Variants in HMGCS2 observed in about 807,000 individuals in gnomAD.
HMGCS2 encodes hydroxymethylglutaryl-CoA synthase, mitochondrial.
Under a neutral mutation model 57.4 loss-of-function variants are expected in HMGCS2, and 50 were observed. The ratio of observed to expected loss-of-function variants is 0.87; its 90% CI spans 0.69 to 1.10. HMGCS2 has a LOEUF of 1.10. Among genes scored for constraint, HMGCS2 ranks in the 50% least tolerant of loss-of-function variants. HMGCS2 has a pLI of 0.00. For missense variants in HMGCS2, 627 were observed against 636.5 expected (o/e 0.99, Z 0.16); for synonymous variants, 254 against 245.1 (o/e 1.04, Z -0.34).
intron 2 of HMGCS2, among the ~76,000 whole-genome samples, chr1:119,761,758 C>T (rs925270983): frequency 6.6e-6 from 1 of 151,412 alleles, no homozygotes; most frequent in Non-Finnish European, 1.5e-5. Context: ...GATCGAGACT[C>T]TGTCTAAAAA....
intron 2 of HMGCS2, among the ~76,000 whole-genome samples, chr1:119,763,615 T>C (rs1286565950): frequency 1.3e-5 from 2 of 152,194 alleles, no homozygotes; most frequent in Admixed American, 6.5e-5. Context: ...TGGGAGAAGA[T>C]ATAAGTAAGA....
intron 2 of HMGCS2, among the ~76,000 whole-genome samples, chr1:119,761,390 T>C (rs1376803303): frequency 6.6e-6 from 1 of 151,960 alleles, no homozygotes; most frequent in Non-Finnish European, 1.5e-5. Flanking sequence ...AGAAACAAAG[T>C]CAAAAGACAA....
intron 5 of HMGCS2, among the ~76,000 whole-genome samples, 188 bp from the exon 6 acceptor site, chr1:119,755,785 C>T (rs1421982063): frequency 6.6e-6 from 1 of 152,002 alleles, no homozygotes; most frequent in African/African-American, 2.4e-5. Flanking sequence ...GTACTTAGGG[C>T]TTATTTTTCT....
At position 119,764,429 on chromosome 1, in the gene HMGCS2, T is replaced by C. The variant is rs751909473; in HGVS notation, c.302A>G (p.Asp101Gly). The change falls in exon 2 of 10, where the codon GAC becomes GGC. Residue 101 changes from aspartate to glycine, a missense_variant. Physicochemically the swap from Asp to Gly is moderately conservative, Grantham distance 94. Transcript: ENST00000369406. ...CACCGTCAGGCACAGGGAGTTGATG[T>C]CCTCTTGGACTGAGCAGAAGCCCAT... ...TRMGFCSVQE[D>G]INSLCLTVVQ... 2 of 1,614,222 alleles carry C rather than the reference T, an allele frequency of 1.2e-6. No individual in the cohort carries two copies. The highest frequency in any genetic ancestry group is 3.3e-5 in the Admixed American group (2 of 60,028).
At chr1:119,761,073 A>ATG (rs996722836) in intron 2 of HMGCS2, among the ~76,000 whole-genome samples, 3 of 149,678 alleles carry the variant, frequency 2.0e-5, no homozygotes, top group Non-Finnish European at 4.4e-5. Flanking sequence ...TGCTATGTGC[A>ATG]TGTGTGTGTG....
At chr1:119,768,438 A>G (rs1210459600) in intron 1 of HMGCS2, among the ~76,000 whole-genome samples, 1 of 152,200 alleles carries the variant, frequency 6.6e-6, no homozygotes, top group East Asian at 1.9e-4. Context: ...ATGGTGGTGT[A>G]GAGAGGAAAG....
chr1:119,759,141 T>G lies in HMGCS2; in HGVS notation c.827A>C (p.Lys276Thr). 1.2e-6 allele frequency: 2 copies of G among 1,614,212 alleles called. No individual in the cohort carries two copies. The highest frequency in any genetic ancestry group is 4.5e-5 in the East Asian group (2 of 44,890). The change falls in exon 4 of 10, where the codon AAA becomes ACA. Residue 276 changes from lysine to threonine, a missense_variant. By Grantham distance (78) the Lys-to-Thr change is moderately conservative (BLOSUM62 -1). Transcript: ENST00000369406. ...LDRCYTSYRK[K>T]IQNQWKQAGS... ...ACCTTGCTTCCACTGATTCTGGATT[T>G]TTTTACGGTATGATGTGTAACATCG... is the stretch of plus-strand genomic sequence containing the variant.
intron 1 of HMGCS2, 107 bp downstream of exon 1, chr1:119,768,634 T>C (rs1454703739): frequency 2.5e-6 from 2 of 799,784 alleles, no homozygotes; most frequent in African/African-American, 3.4e-5. Context: ...AAGGCTGCTG[T>C]GCACAAGCCT....
At position 119,759,988 on chromosome 1, in the gene HMGCS2, A is replaced by G. The variant is rs764867139; in HGVS notation, c.561T>C (p.Gly187=). Residue 187 remains glycine, a splice_region_variant and synonymous_variant, in exon 3 of 10, where the codon GGT becomes GGC. Coordinates refer to ENST00000369406, the MANE Select transcript of HMGCS2 (RefSeq NM_005518.4). The part of the protein sequence containing the change: ...ANWMESSSWD[G]RYAMVVCGDI... ...CTCCACAGACCACCATGGCATAACG[A>G]CCTGTAAAGAGAAACAAGAAATATT... The G allele has an allele frequency of 5.0e-6, 8 of 1,613,940 alleles. No individual in the cohort carries two copies. In the Admixed American group the frequency reaches 1.3e-4, roughly 27 times the overall value.
chr1:119,750,955 T>G (rs746484556), intron 8 of HMGCS2, 47 bp from the exon 9 acceptor site: 1 of 1,162,836 alleles, frequency 8.6e-7, no homozygotes, highest in South Asian at 1.2e-5. Context: ...GTTATATGAG[T>G]TTTTGGAAGA....
chr1:119,764,605 G>T lies in HMGCS2; in HGVS notation c.126C>A (p.Val42=), dbSNP rs774514655. The T allele has an allele frequency of 3.1e-6, 5 of 1,613,836 alleles. No homozygotes were observed. Among genetic ancestry groups the T allele is most frequent in the Non-Finnish European group, 3.4e-6 (4 of 1,179,862 alleles). ...GCCAAGTATCTGTTTTGGCCAGGGG[G>T]ACAGCAGAGGCTGTAGAAAACCTGT... ...AHQRFSTASA[V]PLAKTDTWPK... The change falls in exon 2 of 10, where the codon GTC becomes GTA. Residue 42 remains valine (V), a synonymous_variant. Coordinates refer to ENST00000369406, the MANE Select transcript of HMGCS2 (RefSeq NM_005518.4).
At chr1:119,761,379 C>CATA (rs1653034273) in intron 2 of HMGCS2, among the ~76,000 whole-genome samples, 1 of 151,960 alleles carries the variant, frequency 6.6e-6, no homozygotes, top group African/African-American at 2.4e-5. Flanking sequence ...AGCCTTCTAT[C>CATA]AGAAACAAAG....
chr1:119,752,606 C>T lies in HMGCS2; in HGVS notation c.1363G>A (p.Val455Met), dbSNP rs749033432. ...LPKRLASRKC[V>M]SPEEFTEIMN... ...ATTTCTGTGAACTCCTCAGGAGACA[C>T]ACACTTTCGGGAGGCTAGGCGTTTT... Residue 455 changes from valine (V) to methionine (M), a missense_variant, in exon 8 of 10, where the codon GTG (valine) becomes ATG (methionine). Physicochemically the swap from Val to Met is conservative, Grantham distance 21 (BLOSUM62 1). Coordinates refer to ENST00000369406, the MANE Select transcript of HMGCS2 (RefSeq NM_005518.4). 1.2e-6 allele frequency: 2 copies of T among 1,614,104 alleles called. No homozygotes were observed. Among genetic ancestry groups the T allele is most frequent in the Non-Finnish European group, 1.7e-6 (2 of 1,179,968 alleles).
Position 119,764,600 on chromosome 1 carries a change from A to G in HMGCS2, c.131T>C (p.Leu44Pro), listed in dbSNP as rs749336738. ...QRFSTASAVPLAKTDTWPKDV... is the reference protein window; with the variant it reads ...QRFSTASAVPPAKTDTWPKDV... ...CTTTGGCCAAGTATCTGTTTTGGCC[A>G]GGGGGACAGCAGAGGCTGTAGAAAA... Residue 44 changes from leucine to proline, a missense_variant, in exon 2 of 10, where the codon CTG (leucine) becomes CCG (proline). Leu to Pro is a moderately conservative substitution (Grantham distance 98). Coordinates refer to ENST00000369406, the MANE Select transcript of HMGCS2 (RefSeq NM_005518.4). 6.2e-7 allele frequency: 1 copy of G among 1,614,048 alleles called. No homozygotes were observed.
intron 9 of HMGCS2, 26 bp downstream of exon 9, chr1:119,750,771 C>A (rs41310104): frequency 1.4e-6 from 2 of 1,467,836 alleles, no homozygotes; most frequent in South Asian, 1.1e-5. Flanking sequence ...GGTTTTATGC[C>A]ACCAACTCTG....
rs1652527115 is a variant in HMGCS2 at position 119,748,350 on chromosome 1, A to G, written c.*497T>C. 1 of 152,226 alleles carries G rather than the reference A, an allele frequency of 6.6e-6. No individual in the cohort carries two copies. The highest frequency in any genetic ancestry group is 2.4e-5 in the African/African-American group (1 of 41,460). The allele number at this position is 152,226 out of a possible 1,614,324, so 9.4% of individuals were successfully genotyped here. On this transcript the variant is annotated 3_prime_UTR_variant, in exon 10 of 10. Transcript: ENST00000369406. Reference sequence around the variant, plus strand: ...TTGCTGCATGTTAGGCTGGGTTTGTATTCTGGGTTCCAAGAAACGCAGGAA... The same window carrying G: ...TTGCTGCATGTTAGGCTGGGTTTGTGTTCTGGGTTCCAAGAAACGCAGGAA...
In HMGCS2 at chr1:119,753,378, G is replaced by A. The variant is rs1356884646; in HGVS notation, c.1196C>T (p.Ala399Val). The A allele has an allele frequency of 6.3e-7, 1 of 1,596,912 alleles. No individual in the cohort carries two copies. The highest frequency in any genetic ancestry group is 1.7e-5 in the Admixed American group (1 of 59,826). ...AATCCTGGAGCCAGCCAGTTCTTGG[G>A]CAGAGTGGCTGTGGGGAAAGAAATC... The part of the protein sequence containing the change: ...CLASLLSHHS[A>V]QELAGSRIGA... Residue 399 changes from alanine to valine, a missense_variant, in exon 7 of 10, where the codon GCC (alanine) becomes GTC (valine). Coordinates refer to ENST00000369406, the MANE Select transcript of HMGCS2 (RefSeq NM_005518.4).
intron 8 of HMGCS2, among the ~76,000 whole-genome samples, chr1:119,751,266 C>T (rs1295580427): frequency 6.6e-6 from 1 of 152,134 alleles, no homozygotes; most frequent in Admixed American, 6.5e-5. Flanking sequence ...CTAACAGACA[C>T]GTCCTTCTAA....
At chr1:119,761,755 ACT>A (rs1312663138) in intron 2 of HMGCS2, among the ~76,000 whole-genome samples, 1 of 151,992 alleles carries the variant, frequency 6.6e-6, no homozygotes, top group Non-Finnish European at 1.5e-5. Context: ...ACAGATCGAG[ACT>A]CTGTCTAAAA....
Sources: gnomAD v4.1 joint callset for allele counts (sites outside exome capture counted in the v4.1 genomes callset) on GRCh38, gnomAD v4.1.1 for gene constraint, MANE v1.5 for transcripts, NCBI Gene and HGNC (gene_info 2026-07-23, HGNC 2026-07-21) for gene names.